TEX26: variants seen among roughly 807,000 people sequenced by gnomAD.
The protein encoded by TEX26 is testis-expressed protein 26.
Under a neutral mutation model 35.3 loss-of-function variants are expected in TEX26, and 34 were observed. The ratio of observed to expected loss-of-function variants is 0.96; its 90% CI spans 0.73 to 1.28. The LOEUF (loss-of-function observed/expected upper bound fraction) is 1.28. Ranked by LOEUF, TEX26 falls within the 50% of genes most tolerant of loss-of-function variation. TEX26 has a pLI of 0.00. For synonymous variants in TEX26, 136 were observed against 111.8 expected (o/e 1.22, Z -1.36); for missense variants, 371 against 330.1 (o/e 1.12, Z -0.96).
chr13:30,946,075 C>A lies in TEX26; in HGVS notation c.146+6297C>A, dbSNP rs1953697067. On this transcript the variant is annotated intron_variant, in intron 2 of 6. Coordinates refer to ENST00000380473, the MANE Select transcript of TEX26 (RefSeq NM_152325.3). ...TCCAAACTTTTTACTTACTCTTCTCCCTCAGAACACCAATTATTCTTAGAT... is the reference window on the plus strand; with the variant it reads ...TCCAAACTTTTTACTTACTCTTCTCACTCAGAACACCAATTATTCTTAGAT... Among the ~76,000 whole-genome samples, 2 of 151,972 alleles carry A rather than the reference C, an allele frequency of 1.3e-5. 1 individual carries two copies. Among genetic ancestry groups the A allele is most frequent in the South Asian group, 4.2e-4 (2 of 4,818 alleles).
intron 5 of TEX26, among the ~76,000 whole-genome samples, chr13:30,968,449 A>G (rs570249652): frequency 1.3e-5 from 2 of 152,254 alleles, no homozygotes; most frequent in South Asian, 4.2e-4. Context: ...GGGTCACCCC[A>G]CTCTCAAAGA....
intron 4 of TEX26, among the ~76,000 whole-genome samples, chr13:30,966,012 A>AGCAGACT (rs1954513049): frequency 6.6e-6 from 1 of 152,178 alleles, no homozygotes; most frequent in Admixed American, 6.5e-5. Flanking sequence ...GTGCCCACTG[A>AGCAGACT]GCAGACTCAT....
chr13:30,960,342 A>T (rs1168418254), intron 4 of TEX26, among the ~76,000 whole-genome samples: 1 of 152,148 alleles, frequency 6.6e-6, no homozygotes, highest in East Asian at 1.9e-4. Context: ...TCCCAGATTC[A>T]AGCAATTCTC....
chr13:30,939,809 C>T, intron 2 of TEX26, 31 bp downstream of exon 2: 1 of 1,571,332 alleles, frequency 6.4e-7, no homozygotes, highest in South Asian at 1.1e-5. Context: ...GATTGATATA[C>T]ATGTTTTAAT....
chr13:30,942,986 C>G (rs1410555576), intron 2 of TEX26, among the ~76,000 whole-genome samples: 1 of 152,008 alleles, frequency 6.6e-6, no homozygotes, highest in Non-Finnish European at 1.5e-5. Flanking sequence ...TCTTTTGGTT[C>G]TGTATGAATT....
At chr13:30,938,821 T>G (rs942942724) in intron 1 of TEX26, among the ~76,000 whole-genome samples, 2 of 152,184 alleles carry the variant, frequency 1.3e-5, no homozygotes, top group African/African-American at 4.8e-5. Context: ...ACAGTTCTTT[T>G]CAGCCCCTTC....
chr13:30,952,859 T>C lies in TEX26; in HGVS notation c.312+34T>C, dbSNP rs1395081241. 9 of 1,566,016 alleles carry C rather than the reference T, an allele frequency of 5.7e-6. No homozygotes were observed. The East Asian group carries it at 1.1e-4, about 20-fold the overall frequency. ...ATATCTACATATGTGTTGAATTTAATACTGTACTGTATCAACAACTCATAA... is the reference window on the plus strand; with the variant it reads ...ATATCTACATATGTGTTGAATTTAACACTGTACTGTATCAACAACTCATAA... On this transcript the variant is annotated intron_variant, in intron 3 of 6. Coordinates refer to ENST00000380473, the MANE Select transcript of TEX26 (RefSeq NM_152325.3).
At chr13:30,963,119 T>C (rs1315051684) in intron 4 of TEX26, among the ~76,000 whole-genome samples, 1 of 152,146 alleles carries the variant, frequency 6.6e-6, no homozygotes, top group Non-Finnish European at 1.5e-5. Context: ...TGAGCCACCG[T>C]GCTCAGCTGG....
At chr13:30,974,131 A>AAAT in intron 6 of TEX26, among the ~76,000 whole-genome samples, 13,293 of 84,068 alleles carry the variant, frequency 0.16, 1,500 homozygotes, top group East Asian at 0.33. Flanking sequence ...AAAAAAAAAA[A>AAAT]ATATATATAT....
In TEX26 at chr13:30,966,299, C is replaced by A; in HGVS notation, c.547C>A (p.Arg183=). 3 of 1,614,020 alleles carry A rather than the reference C, an allele frequency of 1.9e-6. No individual in the cohort carries two copies. Among genetic ancestry groups the A allele is most frequent in the Non-Finnish European group, 2.5e-6 (3 of 1,179,998 alleles). Residue 183 remains arginine, a synonymous_variant, in exon 5 of 7, where the codon CGA becomes AGA. Transcript: ENST00000380473. ...LLPQPPDTEF[R]RNYQIPAKIP... ...TCCCCAACCTCCAGACACTGAATTC[C>A]GAAGGAATTACCAAATTCCAGCTAA...
At chr13:30,950,204 A>C (rs929507425) in intron 2 of TEX26, among the ~76,000 whole-genome samples, 35 of 152,292 alleles carry the variant, frequency 2.3e-4, no homozygotes, top group African/African-American at 8.2e-4. Flanking sequence ...TCAGGAGTTC[A>C]AGACCAGCCT....
chr13:30,957,151 C>T lies in TEX26; in HGVS notation c.469+122C>T, dbSNP rs141230263. 8.6e-5 allele frequency: 85 copies of T among 983,792 alleles called. No homozygotes were observed. The African/African-American group carries it at 1.2e-3, about 13-fold the overall frequency. The allele number at this position is 983,792 out of a possible 1,614,324, so 60.9% of individuals were successfully genotyped here. ...CTTGAAGTCTAGGCATGGAGACAGG[C>T]GACTTTGCAAATAAAAACCATCAAG... On this transcript the variant is annotated intron_variant, in intron 4 of 6. Transcript: ENST00000380473.
chr13:30,949,143 G>A (rs1953829154), intron 2 of TEX26, among the ~76,000 whole-genome samples: 1 of 152,104 alleles, frequency 6.6e-6, no homozygotes. Flanking sequence ...GGTTACTGTA[G>A]CCTTGTAGTA....
chr13:30,957,038 T>C lies in TEX26; in HGVS notation c.469+9T>C. 6.2e-7 allele frequency: 1 copy of C among 1,610,980 alleles called. No homozygotes were observed. On this transcript the variant is annotated intron_variant, in intron 4 of 6. Transcript: ENST00000380473. ...TGTGGACAGATCAAAAGGTAAACAC[T>C]TTTGTTTTTCTTTTTTTCCTGGGTC...
At chr13:30,971,445 G>A (rs1266285446) in intron 6 of TEX26, among the ~76,000 whole-genome samples, 1 of 152,144 alleles carries the variant, frequency 6.6e-6, no homozygotes, top group African/African-American at 2.4e-5. Flanking sequence ...GAGATACAGA[G>A]AGAGAGAAAG....
rs992903136 is a variant in TEX26 at position 30,975,440 on chromosome 13, C to A, written c.*533C>A. The A allele has an allele frequency of 6.6e-6, 1 of 152,046 alleles. No individual in the cohort carries two copies. The highest frequency in any genetic ancestry group is 2.4e-5 in the African/African-American group (1 of 41,404). The allele number at this position is 152,046 out of a possible 1,614,324, so 9.4% of individuals were successfully genotyped here. A position where few individuals can be genotyped will look rare whatever the true frequency, so the allele number is the denominator to read the frequency against. ...AATCCCTTATATCTTTAATTGTATA[C>A]TTGAATTGTTCAATTCTGAAAGAAT... is the stretch of plus-strand genomic sequence containing the variant. On this transcript the variant is annotated 3_prime_UTR_variant, in exon 7 of 7. Transcript: ENST00000380473.
At chr13:30,968,031 A>G (rs1191276641) in intron 5 of TEX26, among the ~76,000 whole-genome samples, 2 of 152,220 alleles carry the variant, frequency 1.3e-5, no homozygotes, top group African/African-American at 4.8e-5. Flanking sequence ...GTAGGCAGTG[A>G]ATATCACCAT....
chr13:30,941,452 A>G (rs1358739409), intron 2 of TEX26, among the ~76,000 whole-genome samples: 1 of 152,212 alleles, frequency 6.6e-6, no homozygotes, highest in Non-Finnish European at 1.5e-5. Flanking sequence ...TTGAATTTAT[A>G]TATTTATAAA....
intron 4 of TEX26, among the ~76,000 whole-genome samples, chr13:30,964,396 T>C (rs1954455556): frequency 6.6e-6 from 1 of 152,194 alleles, no homozygotes; most frequent in Non-Finnish European, 1.5e-5. Flanking sequence ...ACCTGTTTGT[T>C]CTGTAGATAT....
Sources: gnomAD v4.1 joint callset for allele counts (sites outside exome capture counted in the v4.1 genomes callset) on GRCh38, gnomAD v4.1.1 for gene constraint, MANE v1.5 for transcripts, NCBI Gene and HGNC (gene_info 2026-07-23, HGNC 2026-07-21) for gene names.